The following MBNL2 variants were observed in gnomAD, a reference collection of about 807,000 sequenced individuals.
MBNL2 encodes muscleblind like splicing regulator 2, also known as muscleblind-like protein 2.
MBNL2 carries 17 observed loss-of-function variants against 41.9 expected under a neutral mutation model. The ratio of observed to expected loss-of-function variants is 0.41; its 90% CI spans 0.28 to 0.61. The LOEUF is 0.61. MBNL2 is among the 20% of genes least tolerant of loss of function. The probability of loss-of-function intolerance (pLI) is 0.35; values close to 1 mark genes in which losing one functional copy is unlikely to be tolerated. For synonymous variants in MBNL2, 195 were observed against 182.9 expected (o/e 1.07, Z -0.53); for missense variants, 336 against 505.6 (o/e 0.66, Z 3.22).
intron 2 of MBNL2, among the ~76,000 whole-genome samples, chr13:97,290,908 C>A (rs1310699009): frequency 6.6e-6 from 1 of 151,538 alleles, no homozygotes; most frequent in Non-Finnish European, 1.5e-5. Context: ...TTCCCAGATG[C>A]AGGGGAAAAA....
At chr13:97,229,414 C>A (rs2152777176) in intron 1 of MBNL2, among the ~76,000 whole-genome samples, 1 of 152,060 alleles carries the variant, frequency 6.6e-6, no homozygotes. Flanking sequence ...GGTGAACTTC[C>A]ATCTTATATA....
At chr13:97,380,832 A>C (rs2065383172) in intron 8 of MBNL2, among the ~76,000 whole-genome samples, 1 of 152,034 alleles carries the variant, frequency 6.6e-6, no homozygotes, top group African/African-American at 2.4e-5. Context: ...ACGATTGGCT[A>C]TTTTGGCACT....
At chr13:97,367,337 G>A (rs1324918201) in intron 8 of MBNL2, among the ~76,000 whole-genome samples, 1 of 152,282 alleles carries the variant, frequency 6.6e-6, no homozygotes, top group South Asian at 2.1e-4. Flanking sequence ...AGGAGACAGC[G>A]TGAGGGTGAG....
At chr13:97,283,857 C>G (rs1014471535) in intron 2 of MBNL2, among the ~76,000 whole-genome samples, 5 of 152,072 alleles carry the variant, frequency 3.3e-5, no homozygotes, top group African/African-American at 1.2e-4. Context: ...ACCGTGACTC[C>G]CTAAGAGCAA....
the MBNL2 span, among the ~76,000 whole-genome samples, chr13:97,177,036 A>T: frequency 5.9e-5 from 9 of 152,204 alleles, no homozygotes; most frequent in African/African-American, 2.2e-4. Context: ...TATCTTTGCC[A>T]TAGAAATAAG....
chr13:97,182,896 G>T, the MBNL2 span, among the ~76,000 whole-genome samples: 3 of 152,064 alleles, frequency 2.0e-5, no homozygotes, highest in Non-Finnish European at 4.4e-5. Flanking sequence ...TGGGGGAAAG[G>T]GGAAGAATAA....
Position 97,346,852 on chromosome 13 carries a change from T to C in MBNL2, c.589T>C (p.Cys197Arg). 6.2e-7 allele frequency: 1 copy of C among 1,614,104 alleles called. No individual in the cohort carries two copies. Among genetic ancestry groups the C allele is most frequent in the Non-Finnish European group, 8.5e-7 (1 of 1,179,938 alleles). Residue 197 changes from cysteine (C) to arginine (R), a missense_variant, in exon 5 of 9, where the codon TGC becomes CGC. By Grantham distance (180) the Cys-to-Arg change is radical. Coordinates refer to ENST00000679496, the MANE Select transcript of MBNL2 (RefSeq NM_001382683.1). This position sits in a 1 kb window ranked among gnomAD's most constrained non-coding sequence, Gnocchi z 4.2. ...AAACTGTGCCCGGGGAGAGACCGAC[T>C]GCCGCTTTGCACACCCCGCAGACAG... Reference protein sequence around the residue: ...RGNCARGETDCRFAHPADSTM... With the variant: ...RGNCARGETDRRFAHPADSTM...
intron 8 of MBNL2, among the ~76,000 whole-genome samples, chr13:97,377,148 C>T (rs1444604201): frequency 2.0e-5 from 3 of 152,206 alleles, no homozygotes; most frequent in African/African-American, 4.8e-5. Flanking sequence ...CCAACACGTC[C>T]TGTAAGGGAC....
At chr13:97,152,675 C>A in the MBNL2 span, among the ~76,000 whole-genome samples, 2 of 152,266 alleles carry the variant, frequency 1.3e-5, no homozygotes, top group East Asian at 1.9e-4. Flanking sequence ...TATTCTATAC[C>A]TAGCCATATC....
In MBNL2 at chr13:97,250,267, A is replaced by G. The variant is rs190605111; in HGVS notation, c.-604-25365A>G. 5.3e-4 allele frequency among the ~76,000 whole-genome samples: 81 copies of G among 152,214 alleles called. 1 individual carries two copies. The highest frequency in any genetic ancestry group is 8.9e-4 in the African/African-American group (37 of 41,526). ...AAGTTTCAGGTATATTCTCCAGCTC[A>G]TTGGTTCTATTTTATTTGCTGACAG... On this transcript the variant is annotated intron_variant, in intron 1 of 8. Coordinates refer to ENST00000679496, the MANE Select transcript of MBNL2 (RefSeq NM_001382683.1).
At chr13:97,314,564 C>T (rs975543067) in intron 2 of MBNL2, among the ~76,000 whole-genome samples, 6 of 152,154 alleles carry the variant, frequency 3.9e-5, no homozygotes, top group East Asian at 3.9e-4. Context: ...AAATATGCAC[C>T]GAATAAATGA....
At chr13:97,333,747 G>A (rs186460640) in intron 2 of MBNL2, among the ~76,000 whole-genome samples, 4 of 152,114 alleles carry the variant, frequency 2.6e-5, no homozygotes, top group Admixed American at 2.6e-4. Flanking sequence ...TTCATATTTG[G>A]ACATCACTCT....
At chr13:97,283,357 C>G (rs2053804297) in intron 2 of MBNL2, among the ~76,000 whole-genome samples, 2 of 152,172 alleles carry the variant, frequency 1.3e-5, no homozygotes, top group African/African-American at 2.4e-5. Context: ...TACTGAACAT[C>G]CCCATCTGAA....
intron 3 of MBNL2, among the ~76,000 whole-genome samples, chr13:97,340,721 T>C (rs1291251868): frequency 6.6e-6 from 1 of 152,214 alleles, no homozygotes; most frequent in Non-Finnish European, 1.5e-5. Context: ...GAGTCTAAAA[T>C]CTATGGTTTT....
chr13:97,332,520 T>A (rs2060514577), intron 2 of MBNL2, among the ~76,000 whole-genome samples: 1 of 152,216 alleles, frequency 6.6e-6, no homozygotes, highest in Admixed American at 6.5e-5. Context: ...TGAAGCAAGT[T>A]GACAGGGCTG....
intron 2 of MBNL2, among the ~76,000 whole-genome samples, chr13:97,326,937 G>T (rs2059950325): frequency 6.6e-6 from 1 of 152,182 alleles, no homozygotes; most frequent in Non-Finnish European, 1.5e-5. Flanking sequence ...CTCAGCCTTG[G>T]CCTATGTGAC....
chr13:97,346,709 C>G lies in MBNL2; in HGVS notation c.541-95C>G. 1 of 966,502 alleles carries G rather than the reference C, an allele frequency of 1.0e-6. No homozygotes were observed. The highest frequency in any genetic ancestry group is 1.5e-6 in the Non-Finnish European group (1 of 645,508). 59.9% of individuals were successfully genotyped at this position (966,502 alleles called of 1,614,324 possible). ...GTGGTACATGAGCCACCATTGAAAG[C>G]GAGGCAGCCTCCGCTCCTCCCGCGG... On this transcript the variant is annotated intron_variant, in intron 4 of 8. Coordinates refer to ENST00000679496, the MANE Select transcript of MBNL2 (RefSeq NM_001382683.1). The surrounding 1 kb of genome is among the most constrained non-coding windows in gnomAD (Gnocchi z 4.2).
rs1342111654 is a variant in MBNL2, at chr13:97,391,682, G to C, written c.*233G>C. The C allele has an allele frequency of 2.5e-5, 10 of 392,630 alleles. No homozygotes were observed. The highest frequency in any genetic ancestry group is 3.6e-5 in the Non-Finnish European group (8 of 222,218). 24.3% of individuals were successfully genotyped at this position (392,630 alleles called of 1,614,324 possible). On this transcript the variant is annotated 3_prime_UTR_variant, in exon 9 of 9. Coordinates refer to ENST00000679496, the MANE Select transcript of MBNL2 (RefSeq NM_001382683.1). ...TATCTCCATAACTATAGCTGATGCA[G>C]AAAGTCCAGCCAGTTTACTCATTTC... is the stretch of plus-strand genomic sequence containing the variant.
intron 2 of MBNL2, among the ~76,000 whole-genome samples, chr13:97,307,651 T>G: frequency 6.6e-6 from 1 of 152,196 alleles, no homozygotes; most frequent in Admixed American, 6.5e-5. Context: ...CTGAAAAATT[T>G]AATGTAGCAG....
Sources: gnomAD v4.1 joint callset for allele counts (sites outside exome capture counted in the v4.1 genomes callset) on GRCh38, gnomAD v4.1.1 for gene constraint, Gnocchi (gnomAD v3.1) non-coding constraint, MANE v1.5 for transcripts, NCBI Gene and HGNC (gene_info 2026-07-23, HGNC 2026-07-21) for gene names.